SIAH1: variants seen among roughly 807,000 people sequenced by gnomAD.
The protein encoded by SIAH1 is siah E3 ubiquitin protein ligase 1.
In SIAH1, 2 loss-of-function variants were observed where a neutral mutation model predicts 20.0. That is an observed-to-expected ratio of 0.10 (90% CI 0.04 to 0.31). The LOEUF (loss-of-function observed/expected upper bound fraction) is 0.31. Ranked by LOEUF, SIAH1 falls within the 10% of genes least tolerant of loss-of-function variation. SIAH1 has a pLI of 1.00. For synonymous variants in SIAH1, 118 were observed against 125.3 expected (o/e 0.94, Z 0.39); for missense variants, 119 against 355.3 (o/e 0.33, Z 5.35).
chr16:48,381,979 T>C (rs1961306592), intron 1 of SIAH1, among the ~76,000 whole-genome samples: 1 of 152,092 alleles, frequency 6.6e-6, no homozygotes, highest in South Asian at 2.1e-4. Context: ...CGAAATCTCT[T>C]GTCTCTTCTA....
intron 1 of SIAH1, among the ~76,000 whole-genome samples, chr16:48,373,142 A>C (rs1961025881): frequency 6.6e-6 from 1 of 151,268 alleles, no homozygotes; most frequent in Non-Finnish European, 1.5e-5. Context: ...CCACCCTTAC[A>C]CCCTAAGATG....
At chr16:48,367,126 C>T (rs1468481292) in intron 1 of SIAH1, among the ~76,000 whole-genome samples, 1 of 152,184 alleles carries the variant, frequency 6.6e-6, no homozygotes, top group Non-Finnish European at 1.5e-5. Context: ...TCTCGAACTC[C>T]TGGGCTAAAG....
intron 1 of SIAH1, among the ~76,000 whole-genome samples, chr16:48,372,645 C>T (rs560323648): frequency 6.6e-6 from 1 of 152,238 alleles, no homozygotes; most frequent in East Asian, 1.9e-4. Context: ...TTGTGTGAAG[C>T]AAAGCCTAAA....
At chr16:48,378,914 A>T (rs891256900) in intron 1 of SIAH1, among the ~76,000 whole-genome samples, 2 of 152,078 alleles carry the variant, frequency 1.3e-5, no homozygotes, top group Non-Finnish European at 2.9e-5. Context: ...TCTCCCTTCC[A>T]CCCCACTGGT....
At chr16:48,385,603 G>A (rs1961441689), upstream of SIAH1, among the ~76,000 whole-genome samples, 1 of 151,958 alleles carries the variant, frequency 6.6e-6, no homozygotes, top group Non-Finnish European at 1.5e-5. Flanking sequence ...GTAGGTGCGG[G>A]GGCTACTCGG....
chr16:48,363,940 C>CTTTTTTTTTTT (rs565145479), intron 1 of SIAH1: 1 of 64,642 alleles, frequency 1.5e-5, no homozygotes. Context: ...AAGCCATAAT[C>CTTTTTTTTTTT]TTTTTTTTTT....
At chr16:48,379,756 A>C (rs1283184993) in intron 1 of SIAH1, among the ~76,000 whole-genome samples, 1 of 152,224 alleles carries the variant, frequency 6.6e-6, no homozygotes, top group African/African-American at 2.4e-5. Context: ...ATGACATCCA[A>C]TTCAATGTGC....
chr16:48,381,381 G>A (rs1961288391), intron 1 of SIAH1, among the ~76,000 whole-genome samples: 1 of 152,156 alleles, frequency 6.6e-6, no homozygotes, highest in South Asian at 2.1e-4. Flanking sequence ...CTTACTATCT[G>A]ATCCAGCAAT....
At chr16:48,386,701 G>T (rs955272070), upstream of SIAH1, among the ~76,000 whole-genome samples, 1 of 152,128 alleles carries the variant, frequency 6.6e-6, no homozygotes, top group African/African-American at 2.4e-5. Context: ...AATAGAGTTC[G>T]GTTCACTTCA....
Position 48,385,372 on chromosome 16 carries a change from T to TC in SIAH1, c.-172dup, listed in dbSNP as rs1185167375. 3,237 of 149,384 alleles carry TC rather than the reference T, an allele frequency of 0.022. 49 individuals carry two copies. The highest frequency in any genetic ancestry group is 0.032 in the Non-Finnish European group (2,264 of 71,240). 9.3% of individuals were successfully genotyped at this position (149,384 alleles called of 1,614,324 possible). A position where few individuals can be genotyped will look rare whatever the true frequency, so the allele number is the denominator to read the frequency against. On this transcript the variant is annotated 5_prime_UTR_variant, in exon 1 of 2. Transcript: ENST00000394725. Reference sequence around the variant, plus strand: ...CGCGCCCCGCAACGGCCGCCCCGGCTCCCCCCTGGCCGCCGCCGCCGCCGC... The same window carrying TC: ...CGCGCCCCGCAACGGCCGCCCCGGCTCCCCCCCTGGCCGCCGCCGCCGCCGC...
At chr16:48,377,814 A>G (rs1372984345) in intron 1 of SIAH1, among the ~76,000 whole-genome samples, 1 of 152,146 alleles carries the variant, frequency 6.6e-6, no homozygotes, top group African/African-American at 2.4e-5. Flanking sequence ...GTGGCAGCTC[A>G]CACCTGTAAT....
rs368030011 is a variant in SIAH1 at position 48,361,829 on chromosome 16, A to G, written c.600T>C (p.Asp200=). The change falls in exon 2 of 2, where the codon GAT becomes GAC. Residue 200 remains aspartate (D), a synonymous_variant. Coordinates refer to ENST00000394725, the MANE Select transcript of SIAH1 (RefSeq NM_003031.4). ...CGATTGCGAAGAACTGCTGGTGACC[A>G]TCGTATTTTTCCTGTTTCTCTAAGA... is the stretch of plus-strand genomic sequence containing the variant. ...MLVLEKQEKY[D]GHQQFFAIVQ... The G allele has an allele frequency of 5.0e-6, 8 of 1,614,036 alleles. No individual in the cohort carries two copies. The highest frequency in any genetic ancestry group is 4.5e-5 in the East Asian group (2 of 44,894).
At chr16:48,372,820 A>T (rs1233204194) in intron 1 of SIAH1, among the ~76,000 whole-genome samples, 1 of 152,206 alleles carries the variant, frequency 6.6e-6, no homozygotes, top group Non-Finnish European at 1.5e-5. Context: ...CAGTTTTAAG[A>T]CTAAAATTCA....
At chr16:48,385,024 G>A (rs1428328487) in intron 1 of SIAH1, among the ~76,000 whole-genome samples, 180 bp downstream of exon 1, 2 of 147,976 alleles carry the variant, frequency 1.4e-5, no homozygotes, top group African/African-American at 2.4e-5. Context: ...GGGGAGGGGC[G>A]GGGGGCGGCG....
chr16:48,370,762 C>T (rs190256398), intron 1 of SIAH1, among the ~76,000 whole-genome samples: 3 of 150,508 alleles, frequency 2.0e-5, no homozygotes, highest in Admixed American at 1.3e-4. Context: ...GCCCAGATCA[C>T]GACACTGCCC....
intron 1 of SIAH1, chr16:48,363,838 C>T (rs1960713802): frequency 6.0e-6 from 1 of 165,780 alleles, no homozygotes; most frequent in African/African-American, 2.4e-5. Context: ...CAGGAAGCTA[C>T]CTGGGCTGGA....
intron 1 of SIAH1, among the ~76,000 whole-genome samples, chr16:48,375,716 G>C (rs1382176751): frequency 6.6e-6 from 1 of 152,110 alleles, no homozygotes; most frequent in Non-Finnish European, 1.5e-5. Context: ...TTTCATTTAG[G>C]TTAAAAGAAA....
intron 1 of SIAH1, among the ~76,000 whole-genome samples, chr16:48,384,518 G>C (rs1961387948): frequency 6.6e-6 from 1 of 152,146 alleles, no homozygotes; most frequent in Non-Finnish European, 1.5e-5. Flanking sequence ...GAGCTTCCCC[G>C]GCACGCCGTT....
chr16:48,376,870 G>A (rs935191920), intron 1 of SIAH1, among the ~76,000 whole-genome samples: 3 of 152,116 alleles, frequency 2.0e-5, no homozygotes, highest in African/African-American at 7.2e-5. Flanking sequence ...AAATTCAAAA[G>A]GGCAAAATTT....
Sources: gnomAD v4.1 joint callset for allele counts (sites outside exome capture counted in the v4.1 genomes callset) on GRCh38, gnomAD v4.1.1 for gene constraint, MANE v1.5 for transcripts, NCBI Gene and HGNC (gene_info 2026-07-23, HGNC 2026-07-21) for gene names.